The following FOXP1 variants were observed in gnomAD, a reference collection of about 807,000 sequenced individuals.
The protein encoded by FOXP1 is forkhead box P1, also known as forkhead box protein P1.
In FOXP1, 15 loss-of-function variants were observed where a neutral mutation model predicts 98.2. That is an observed-to-expected ratio of 0.15 (90% CI 0.10 to 0.24). The LOEUF (loss-of-function observed/expected upper bound fraction) is 0.24, where lower values mean the gene tolerates loss of function less well. Among genes scored for constraint, FOXP1 ranks in the 10% least tolerant of loss-of-function variants. The pLI, the probability that FOXP1 is intolerant of heterozygous loss-of-function variation, is 1.00. For missense variants in FOXP1, 633 were observed against 848.5 expected (o/e 0.75, Z 3.15); for synonymous variants, 371 against 314.5 (o/e 1.18, Z -1.90).
rs1259058706 is a variant in FOXP1, at chr3:70,954,846, C to G, written c.*4401G>C. The stretch of plus-strand genomic sequence containing the variant: ...GGAATGATGGAATTACAGTTGATGT[C>G]AAGGAATGAGTTTCTTTTATGCCTT... On this transcript the variant is annotated 3_prime_UTR_variant, in exon 21 of 21. Transcript: ENST00000649528. The G allele has an allele frequency of 4.3e-6, 1 of 232,370 alleles. No individual in the cohort carries two copies. Among genetic ancestry groups the G allele is most frequent in the African/African-American group, 2.2e-5 (1 of 45,226 alleles). The allele number at this position is 232,370 out of a possible 1,614,324, so 14.4% of individuals were successfully genotyped here.
intron 14 of FOXP1, among the ~76,000 whole-genome samples, chr3:70,980,236 T>C (rs80227790): frequency 0.041 from 6,287 of 152,182 alleles, 450 homozygotes; most frequent in African/African-American, 0.14. Context: ...CCTTAATCAC[T>C]GACCAAGTCC....
chr3:71,283,577 G>T (rs1008253152), intron 5 of FOXP1, among the ~76,000 whole-genome samples: 1 of 152,198 alleles, frequency 6.6e-6, no homozygotes, highest in South Asian at 2.1e-4. Context: ...TATTTTAGCT[G>T]CTGAGGATAA....
At chr3:71,240,438 T>C (rs949637655) in intron 5 of FOXP1, among the ~76,000 whole-genome samples, 3 of 152,266 alleles carry the variant, frequency 2.0e-5, no homozygotes, top group African/African-American at 7.2e-5. Context: ...GTTTCCATTC[T>C]TACAGAAGTG....
At chr3:71,043,837 A>C (rs2048672550) in intron 10 of FOXP1, among the ~76,000 whole-genome samples, 1 of 152,196 alleles carries the variant, frequency 6.6e-6, no homozygotes, top group South Asian at 2.1e-4. Context: ...AGACAAATGT[A>C]TTTACCACTT....
rs79635377 is a variant in FOXP1 at position 71,105,120 on chromosome 3, T to C, written c.282+7416A>G. Among the ~76,000 whole-genome samples the C allele has an allele frequency of 5.3e-5, 8 of 152,346 alleles. No individual in the cohort carries two copies. In the East Asian group the frequency reaches 1.5e-3, roughly 29 times the overall value. On this transcript the variant is annotated intron_variant, in intron 7 of 20. Transcript: ENST00000649528. ...CAGCTGTATATCACAGAAACCACTATGGGTGGTGACAGAGTCCCATGATGC... is the reference window on the plus strand; with the variant it reads ...CAGCTGTATATCACAGAAACCACTACGGGTGGTGACAGAGTCCCATGATGC...
At chr3:71,258,259 G>C (rs140235493) in intron 5 of FOXP1, among the ~76,000 whole-genome samples, 2 of 152,142 alleles carry the variant, frequency 1.3e-5, no homozygotes, top group Admixed American at 1.3e-4. Flanking sequence ...AATTGAAAAG[G>C]CTTCATAGAA....
intron 2 of FOXP1, among the ~76,000 whole-genome samples, chr3:71,506,567 C>T (rs983731639): frequency 1.3e-5 from 2 of 152,220 alleles, no homozygotes; most frequent in Non-Finnish European, 2.9e-5. Flanking sequence ...GCAGCTACTA[C>T]GTCTGCCCTT....
chr3:71,373,366 C>A (rs1358130643), intron 3 of FOXP1, among the ~76,000 whole-genome samples: 2 of 152,006 alleles, frequency 1.3e-5, no homozygotes, highest in Non-Finnish European at 2.9e-5. Context: ...CACAACTTGT[C>A]ATAAAAGCTG....
At chr3:71,354,994 C>G (rs1321423564) in intron 4 of FOXP1, among the ~76,000 whole-genome samples, 1 of 152,190 alleles carries the variant, frequency 6.6e-6, no homozygotes, top group Non-Finnish European at 1.5e-5. Flanking sequence ...CCTTCAGGCT[C>G]AAGTGGCAAA....
At chr3:71,474,896 C>T (rs1049650841) in intron 3 of FOXP1, among the ~76,000 whole-genome samples, 3 of 151,994 alleles carry the variant, frequency 2.0e-5, no homozygotes, top group East Asian at 1.9e-4. Context: ...ATGGAAAAAC[C>T]GTCTCCCATG....
chr3:71,243,253 T>A (rs2106933892), intron 5 of FOXP1, among the ~76,000 whole-genome samples: 1 of 152,320 alleles, frequency 6.6e-6, no homozygotes, highest in Non-Finnish European at 1.5e-5. Context: ...CTTTCTAAGA[T>A]AGAAACTTAG....
intron 13 of FOXP1, 51 bp downstream of exon 13, chr3:71,000,921 C>G (rs1345792923): frequency 8.3e-7 from 1 of 1,209,932 alleles, no homozygotes; most frequent in South Asian, 1.2e-5. Flanking sequence ...CTACAGAAAT[C>G]TGGAATTTGA....
At chr3:71,097,557 T>C (rs1380726880) in intron 7 of FOXP1, among the ~76,000 whole-genome samples, 2 of 152,158 alleles carry the variant, frequency 1.3e-5, no homozygotes, top group Admixed American at 6.5e-5. Context: ...GTGAAATAGT[T>C]TATACATACA....
intron 3 of FOXP1, among the ~76,000 whole-genome samples, chr3:71,392,297 T>C (rs1290719047): frequency 1.3e-5 from 2 of 152,224 alleles, no homozygotes; most frequent in African/African-American, 2.4e-5. Context: ...TCTGATGTAA[T>C]ATGTTACATT....
chr3:71,552,122 T>C (rs2045824604), intron 2 of FOXP1, among the ~76,000 whole-genome samples: 1 of 152,046 alleles, frequency 6.6e-6, no homozygotes, highest in Admixed American at 6.6e-5. Context: ...GAGAACTGTA[T>C]AAAGAACTAA....
intron 2 of FOXP1, among the ~76,000 whole-genome samples, chr3:71,522,936 T>C (rs2043102824): frequency 6.6e-6 from 1 of 152,200 alleles, no homozygotes; most frequent in Admixed American, 6.5e-5. Context: ...CATTTAACTT[T>C]CCTGAATTCA....
chr3:71,244,677 T>A (rs2067575488), intron 5 of FOXP1, among the ~76,000 whole-genome samples: 1 of 151,578 alleles, frequency 6.6e-6, no homozygotes, highest in Non-Finnish European at 1.5e-5. Flanking sequence ...CTACATCTCA[T>A]CCACAACTGG....
At chr3:71,279,605 A>G (rs568754799) in intron 5 of FOXP1, among the ~76,000 whole-genome samples, 1 of 152,244 alleles carries the variant, frequency 6.6e-6, no homozygotes, top group Non-Finnish European at 1.5e-5. Flanking sequence ...GCAACTATGC[A>G]TATACAAGCT....
At chr3:71,531,466 G>C (rs1456385407) in intron 2 of FOXP1, among the ~76,000 whole-genome samples, 1 of 151,996 alleles carries the variant, frequency 6.6e-6, no homozygotes, top group African/African-American at 2.4e-5. Flanking sequence ...AGTCCACCCT[G>C]GTTTAAATAG....
Sources: gnomAD v4.1 joint callset for allele counts (sites outside exome capture counted in the v4.1 genomes callset) on GRCh38, gnomAD v4.1.1 for gene constraint, MANE v1.5 for transcripts, NCBI Gene and HGNC (gene_info 2026-07-23, HGNC 2026-07-21) for gene names.